The following PRICKLE2 variants were observed in gnomAD, a reference collection of about 807,000 sequenced individuals.
The protein encoded by PRICKLE2 is prickle-like protein 2.
In PRICKLE2, 21 loss-of-function variants were observed where a neutral mutation model predicts 81.4. That is an observed-to-expected ratio of 0.26 (90% CI 0.18 to 0.37). PRICKLE2 has a LOEUF of 0.37. Among genes scored for constraint, PRICKLE2 ranks in the 10% least tolerant of loss-of-function variants. The pLI is 1.00. For missense variants in PRICKLE2, 940 were observed against 1,109.0 expected, an observed-to-expected ratio of 0.85 and a Z score of 2.16; for synonymous variants, 456 against 421.5, an observed-to-expected ratio of 1.08 and a Z score of -1.00.
At chr3:64,135,677 C>T (rs945001536) in intron 7 of PRICKLE2, among the ~76,000 whole-genome samples, 9 of 144,254 alleles carry the variant, frequency 6.2e-5, no homozygotes, top group African/African-American at 1.8e-4. Flanking sequence ...CAGAACAGGA[C>T]GAGGAACGAT....
chr3:64,122,187 T>G (rs1383768127), intron 7 of PRICKLE2, among the ~76,000 whole-genome samples: 1 of 152,118 alleles, frequency 6.6e-6, no homozygotes, highest in Non-Finnish European at 1.5e-5. Flanking sequence ...CAGGGGGTAG[T>G]TTGTTGACAG....
At chr3:64,105,323 T>C (rs2076737760) in intron 7 of PRICKLE2, among the ~76,000 whole-genome samples, 1 of 152,230 alleles carries the variant, frequency 6.6e-6, no homozygotes, top group Admixed American at 6.5e-5. Context: ...TGTAAGTTTG[T>C]AGCTGAATGA....
chr3:64,118,866 AAATAT>A (rs1343870047), intron 7 of PRICKLE2, among the ~76,000 whole-genome samples: 2 of 2,914 alleles, frequency 6.9e-4, no homozygotes, highest in Non-Finnish European at 1.1e-3. Flanking sequence ...CCCAGCAAAT[AAATAT>A]TATATCCAAA....
chr3:64,153,327 G>C lies in PRICKLE2; in HGVS notation c.642C>G (p.His214Gln). The stretch of plus-strand genomic sequence containing the variant: ...AGCAGCAAAAGTGTTTCATGTGCCA[G>C]TGTCGCCCCTCAGCTTCTGTGCATT... Reference protein sequence around the residue: ...ADECTEAEGRHWHMKHFCCFE... With the variant: ...ADECTEAEGRQWHMKHFCCFE... Residue 214 changes from histidine to glutamine, a missense_variant, in exon 6 of 8, where the codon CAC (histidine) becomes CAG (glutamine). Physicochemically the swap from His to Gln is conservative, Grantham distance 24 (BLOSUM62 0). This residue lies in a region of PRICKLE2 where 270 missense variants were observed against 391.8 expected (regional missense o/e 0.69). Transcript: ENST00000638394. The C allele has an allele frequency of 4.3e-6, 7 of 1,614,168 alleles. No individual in the cohort carries two copies. Among genetic ancestry groups the C allele is most frequent in the Non-Finnish European group, 5.1e-6 (6 of 1,180,030 alleles).
chr3:64,147,799 A>T lies in PRICKLE2; in HGVS notation c.788-97T>A. Reference sequence around the variant, plus strand: ...GCACCTTGGTTTGTCTCAGGATTCCAGGTGCGGCAGGATAAACTGTCAATA... The same window carrying T: ...GCACCTTGGTTTGTCTCAGGATTCCTGGTGCGGCAGGATAAACTGTCAATA... On this transcript the variant is annotated intron_variant, in intron 6 of 7. Transcript: ENST00000638394. This position sits in a 1 kb window ranked among gnomAD's most constrained non-coding sequence, Gnocchi z 5.0. 4 of 1,291,122 alleles carry T rather than the reference A, an allele frequency of 3.1e-6. No homozygotes were observed. In the East Asian group the frequency reaches 7.0e-5, roughly 23 times the overall value. The allele number at this position is 1,291,122 out of a possible 1,614,324, so 80.0% of individuals were successfully genotyped here.
chr3:64,187,561 T>C (rs535890740), intron 2 of PRICKLE2: 17 of 152,382 alleles, frequency 1.1e-4, no homozygotes, highest in African/African-American at 4.1e-4. Context: ...TCTCAGCATG[T>C]GCTGATGGAG....
intron 2 of PRICKLE2, among the ~76,000 whole-genome samples, chr3:64,182,057 T>C (rs762911539): frequency 2.7e-5 from 4 of 149,142 alleles, no homozygotes; most frequent in African/African-American, 4.9e-5. Flanking sequence ...AAGCTTGGAG[T>C]TCTTGAAGAG....
intron 2 of PRICKLE2, among the ~76,000 whole-genome samples, chr3:64,166,286 G>A (rs2077831952): frequency 6.6e-6 from 1 of 152,126 alleles, no homozygotes; most frequent in Admixed American, 6.5e-5. Flanking sequence ...CCCAGAGAAG[G>A]ACCCTGATTA....
At chr3:64,193,120 T>C (rs991067697) in intron 2 of PRICKLE2, among the ~76,000 whole-genome samples, 2 of 152,180 alleles carry the variant, frequency 1.3e-5, no homozygotes, top group Admixed American at 6.5e-5. Context: ...ATTACGCTTA[T>C]GGAAAGGAGC....
At chr3:64,203,012 A>G (rs994288857) in intron 1 of PRICKLE2, among the ~76,000 whole-genome samples, 1 of 152,222 alleles carries the variant, frequency 6.6e-6, no homozygotes, top group Admixed American at 6.5e-5. Context: ...GCATCTATCA[A>G]GATGATTAGT....
rs1038082733 is a variant in PRICKLE2, at chr3:64,266,231, A to C, written c.129-67264T>G. 4.6e-5 allele frequency among the ~76,000 whole-genome samples: 7 copies of C among 152,102 alleles called. No individual in the cohort carries two copies. The South Asian group carries it at 1.5e-3, about 32-fold the overall frequency. On this transcript the variant is annotated intron_variant, in intron 2 of 8. Coordinates refer to the PRICKLE2 transcript ENST00000295902. ...AAAAAAAAGCTAAACCAAATGATTC[A>C]CACTCTTAAAACGAATCTGCCTTCA...
At chr3:64,205,728 T>G (rs1315823553) in intron 1 of PRICKLE2, among the ~76,000 whole-genome samples, 2 of 152,228 alleles carry the variant, frequency 1.3e-5, no homozygotes, top group African/African-American at 4.8e-5. Context: ...TTCTGTTTCT[T>G]TTATTCCCCC....
chr3:64,159,911 C>T, intron 4 of PRICKLE2, 29 bp downstream of exon 4: 1 of 1,613,860 alleles, frequency 6.2e-7, no homozygotes, highest in Non-Finnish European at 8.5e-7. Context: ...CAGAACAATG[C>T]CTCTTCACTC....
intron 1 of PRICKLE2, among the ~76,000 whole-genome samples, chr3:64,208,091 C>T (rs2078721706): frequency 6.6e-6 from 1 of 152,116 alleles, no homozygotes; most frequent in South Asian, 2.1e-4. Flanking sequence ...GTAACACCTC[C>T]GTCAGGTTTT....
chr3:64,178,971 C>A (rs867160826), intron 2 of PRICKLE2, among the ~76,000 whole-genome samples: 1 of 52,900 alleles, frequency 1.9e-5, no homozygotes, highest in Non-Finnish European at 3.8e-5. Context: ...TATTTTCTTT[C>A]TTTCTTTCTT....
Position 64,198,597 on chromosome 3 carries a change from A to G in PRICKLE2, c.144+187T>C, listed in dbSNP as rs2078507518. 3 of 667,594 alleles carry G rather than the reference A, an allele frequency of 4.5e-6. No homozygotes were observed. The South Asian group carries it at 5.1e-5, about 11-fold the overall frequency. 41.4% of individuals were successfully genotyped at this position (667,594 alleles called of 1,614,324 possible). ...ATACAGAATGAATTAGCAATGGATC[A>G]CTCCTGGCTCAATTTCATTTCCCTT... On this transcript the variant is annotated intron_variant, in intron 2 of 7. Transcript: ENST00000638394.
intron 7 of PRICKLE2, among the ~76,000 whole-genome samples, chr3:64,112,109 C>G (rs984675344): frequency 6.6e-6 from 1 of 152,136 alleles, no homozygotes; most frequent in African/African-American, 2.4e-5. Context: ...TATTTAATCT[C>G]AAGGGTTAAA....
intron 7 of PRICKLE2, among the ~76,000 whole-genome samples, chr3:64,135,678 G>A (rs1420884426): frequency 5.6e-5 from 8 of 143,192 alleles, no homozygotes; most frequent in African/African-American, 1.3e-4. Context: ...AGAACAGGAC[G>A]AGGAACGATC....
chr3:64,228,418 G>T (rs1448981833), upstream of PRICKLE2, among the ~76,000 whole-genome samples: 1 of 152,180 alleles, frequency 6.6e-6, no homozygotes, highest in Non-Finnish European at 1.5e-5. Context: ...TCAGCTTGGT[G>T]ATGAGGAAGC....
Sources: allele counts gnomAD v4.1 joint callset (sites outside exome capture counted in the v4.1 genomes callset), GRCh38; gene constraint gnomAD v4.1.1; regional missense constraint gnomAD v4.1.1; non-coding constraint Gnocchi (gnomAD v3.1); transcripts MANE v1.5; gene names NCBI Gene and HGNC (gene_info 2026-07-23, HGNC 2026-07-21).